The following COL4A2 variants were observed in gnomAD, a reference collection of about 807,000 sequenced individuals.
COL4A2 encodes the protein collagen type IV alpha 2 chain.
Under a neutral mutation model 200.2 loss-of-function variants are expected in COL4A2, and 99 were observed. The ratio of observed to expected loss-of-function variants is 0.49; its 90% CI spans 0.42 to 0.58. The LOEUF (loss-of-function observed/expected upper bound fraction) is 0.58, where lower values mean the gene tolerates loss of function less well. Ranked by LOEUF, COL4A2 falls within the 20% of genes least tolerant of loss-of-function variation. The probability of loss-of-function intolerance (pLI) is 0.00; values close to 1 mark genes in which losing one functional copy is unlikely to be tolerated. For missense variants in COL4A2, 1,950 were observed against 2,314.1 expected (o/e 0.84, Z 3.23); for synonymous variants, 897 against 900.6 (o/e 1.00, Z 0.07).
In COL4A2 at chr13:110,480,006, G is replaced by A. The variant is rs551315663; in HGVS notation, c.2588-214G>A. Among the ~76,000 whole-genome samples, 4 of 54,666 alleles carry A rather than the reference G, an allele frequency of 7.3e-5. No homozygotes were observed. In the South Asian group the frequency reaches 3.3e-3, roughly 45 times the overall value. The allele number at this position is 54,666 out of a possible 152,430, so 35.9% of individuals were successfully genotyped here. On this transcript the variant is annotated intron_variant, in intron 30 of 47. Transcript: ENST00000360467. ...AGCCATGCTGGCTGGCACCCCGCCA[G>A]CACAGCCTCAACCTCCAGATACAGA...
chr13:110,353,408 G>T (rs755285155), intron 3 of COL4A2, among the ~76,000 whole-genome samples: 8 of 152,322 alleles, frequency 5.3e-5, no homozygotes, highest in Non-Finnish European at 8.8e-5. Context: ...AGGCTGGAGG[G>T]CTGAGAGCAG....
Position 110,505,280 on chromosome 13 carries a change from G to A in COL4A2, c.4402+1016G>A, listed in dbSNP as rs539210600. Among the ~76,000 whole-genome samples, 6 of 152,262 alleles carry A rather than the reference G, an allele frequency of 3.9e-5. No homozygotes were observed. In the East Asian group the frequency reaches 1.2e-3, roughly 29 times the overall value. On this transcript the variant is annotated intron_variant, in intron 45 of 47. Transcript: ENST00000360467. ...CAGGAGAATGGCCTCAACCCAGGAG[G>A]TGGAGGTTGCAATGAGCCAAGATCG...
At chr13:110,456,793 C>T (rs545470705) in intron 20 of COL4A2, 20 of 479,892 alleles carry the variant, frequency 4.2e-5, no homozygotes, top group Admixed American at 1.6e-4. Context: ...GGTGGGATGC[C>T]GGGCACCCAT....
chr13:110,414,014 G>A (rs1879949086), intron 4 of COL4A2, among the ~76,000 whole-genome samples: 1 of 152,200 alleles, frequency 6.6e-6, no homozygotes, highest in African/African-American at 2.4e-5. Flanking sequence ...GGGCCTTGCT[G>A]AAAACATCAA....
intron 3 of COL4A2, among the ~76,000 whole-genome samples, chr13:110,354,842 C>T (rs954266093): frequency 2.0e-5 from 3 of 152,174 alleles, no homozygotes; most frequent in Admixed American, 6.5e-5. Context: ...CAGAAGCCTG[C>T]GTGTCCTGCC....
intron 4 of COL4A2, among the ~76,000 whole-genome samples, chr13:110,413,521 A>G: frequency 6.6e-6 from 1 of 152,200 alleles, no homozygotes; most frequent in East Asian, 1.9e-4. Flanking sequence ...TGAGAGCCTC[A>G]GGCAGCGAGG....
intron 3 of COL4A2, among the ~76,000 whole-genome samples, chr13:110,335,572 C>T (rs1876143478): frequency 6.6e-6 from 1 of 152,118 alleles, no homozygotes; most frequent in African/African-American, 2.4e-5. Flanking sequence ...ATAAATTATC[C>T]AGTCTCACTT....
chr13:110,425,047 C>T, intron 6 of COL4A2, 50 bp downstream of exon 6: 1 of 1,495,212 alleles, frequency 6.7e-7, no homozygotes, highest in South Asian at 1.2e-5. Context: ...GCATCCTAGG[C>T]AATACATTTT....
intron 3 of COL4A2, among the ~76,000 whole-genome samples, chr13:110,338,436 G>T (rs1037395539): frequency 8.0e-4 from 32 of 40,206 alleles, no homozygotes; most frequent in Middle Eastern, 0.025. Context: ...GTTGTGTGTG[G>T]GGGGGGGTGG....
chr13:110,370,229 T>C (rs1877944083), intron 4 of COL4A2, among the ~76,000 whole-genome samples: 1 of 148,990 alleles, frequency 6.7e-6, no homozygotes, highest in Admixed American at 6.7e-5. Context: ...AAAACAAGGG[T>C]TTTTTTTACT....
intron 18 of COL4A2, 105 bp downstream of exon 18, chr13:110,446,969 A>G: frequency 1.2e-6 from 1 of 851,780 alleles, no homozygotes; most frequent in East Asian, 2.7e-5. Flanking sequence ...AAGCAACCCT[A>G]AAACTTAAAG....
chr13:110,357,446 C>A (rs995456771), intron 3 of COL4A2, 26 bp from the exon 4 acceptor site: 1 of 1,566,552 alleles, frequency 6.4e-7, no homozygotes, highest in Non-Finnish European at 8.7e-7. Context: ...GGTAACTTTT[C>A]TTTGCCTTGT....
chr13:110,493,045 C>T (rs1488135157), intron 38 of COL4A2, among the ~76,000 whole-genome samples, 166 bp from the exon 39 acceptor site: 1 of 145,516 alleles, frequency 6.9e-6, no homozygotes, highest in Non-Finnish European at 1.5e-5. Context: ...TGAGTGACAC[C>T]CCCACAGGTG....
chr13:110,327,500 C>CT (rs1159564250), intron 3 of COL4A2, among the ~76,000 whole-genome samples: 37 of 152,258 alleles, frequency 2.4e-4, no homozygotes, highest in African/African-American at 8.9e-4. Flanking sequence ...ACATTTGACT[C>CT]TTGTCATCAA....
At chr13:110,391,273 C>T (rs913398162) in intron 4 of COL4A2, among the ~76,000 whole-genome samples, 4 of 152,194 alleles carry the variant, frequency 2.6e-5, no homozygotes, top group Non-Finnish European at 5.9e-5. Flanking sequence ...AGGGCCTCTA[C>T]AGAGCCCCTT....
chr13:110,391,653 A>T (rs537274653), intron 4 of COL4A2, among the ~76,000 whole-genome samples: 5 of 152,324 alleles, frequency 3.3e-5, no homozygotes, highest in Non-Finnish European at 5.9e-5. Context: ...TAATCTCTGT[A>T]AGCCTCAGTG....
chr13:110,467,870 C>T (rs993993992), intron 27 of COL4A2, among the ~76,000 whole-genome samples: 2 of 152,232 alleles, frequency 1.3e-5, no homozygotes, highest in African/African-American at 4.8e-5. Context: ...AGGAATTCCC[C>T]TTTGGATGTC....
Position 110,465,733 on chromosome 13 carries a change from A to G in COL4A2, c.1978+127A>G, listed in dbSNP as rs947742272. 21 of 939,726 alleles carry G rather than the reference A, an allele frequency of 2.2e-5. No individual in the cohort carries two copies. The Admixed American group carries it at 3.5e-4, about 15-fold the overall frequency. 58.2% of individuals were successfully genotyped at this position (939,726 alleles called of 1,614,324 possible). A position where few individuals can be genotyped will look rare whatever the true frequency, so the allele number is the denominator to read the frequency against. On this transcript the variant is annotated intron_variant, in intron 25 of 47. Coordinates refer to ENST00000360467, the MANE Select transcript of COL4A2 (RefSeq NM_001846.4). ...TTTTGCCTCATCTGTTCTCGCACGT[A>G]CAAGGGATGACCCAACTGTGAGGTT...
In COL4A2 at chr13:110,482,589, G is replaced by C. The variant is rs919092373; in HGVS notation, c.2832G>C (p.Gly944=). 1.2e-6 allele frequency: 2 copies of C among 1,614,056 alleles called. No individual in the cohort carries two copies. Among genetic ancestry groups the C allele is most frequent in the African/African-American group, 1.3e-5 (1 of 74,924 alleles). ...TCAAAGGGAGACCCGGGTTTCCAGG[G>C]AGCAAAGGCGAGGCTGGATTTTTCG... is the stretch of plus-strand genomic sequence containing the variant. The part of the protein sequence containing the change: ...PGLKGRPGFP[G]SKGEAGFFGI... The change falls in exon 32 of 48, where the codon GGG becomes GGC. Residue 944 remains glycine (G), a synonymous_variant. Coordinates refer to ENST00000360467, the MANE Select transcript of COL4A2 (RefSeq NM_001846.4).
Sources: allele counts gnomAD v4.1 joint callset (sites outside exome capture counted in the v4.1 genomes callset), GRCh38; gene constraint gnomAD v4.1.1; transcripts MANE v1.5; gene names NCBI Gene and HGNC (gene_info 2026-07-23, HGNC 2026-07-21).